Variants in FER observed in about 807,000 individuals in gnomAD.
FER encodes FER tyrosine kinase.
In FER, 63 loss-of-function variants were observed where a neutral mutation model predicts 111.0. The ratio of observed to expected loss-of-function variants is 0.57; its 90% CI spans 0.46 to 0.70. The LOEUF (loss-of-function observed/expected upper bound fraction) is 0.70. Ranked by LOEUF, FER falls within the 30% of genes least tolerant of loss-of-function variation. The pLI is 0.00. For missense variants in FER, 914 were observed against 954.0 expected (o/e 0.96, Z 0.55); for synonymous variants, 327 against 313.9 (o/e 1.04, Z -0.44).
At chr5:108,991,533 AT>A (rs1368256806) in intron 13 of FER, among the ~76,000 whole-genome samples, 1 of 152,106 alleles carries the variant, frequency 6.6e-6, no homozygotes, top group African/African-American at 2.4e-5. Context: ...TTGATATTTT[AT>A]TTTTTTAAGA....
intron 17 of FER, among the ~76,000 whole-genome samples, chr5:109,110,079 C>A (rs528465266): frequency 6.6e-6 from 1 of 152,240 alleles, no homozygotes; most frequent in African/African-American, 2.4e-5. Flanking sequence ...CCATAGTCTG[C>A]TACTTCACTT....
In FER at chr5:109,053,132, A is replaced by G. The variant is rs149685849; in HGVS notation, c.1924+5934A>G. On this transcript the variant is annotated intron_variant, in intron 16 of 19. Coordinates refer to ENST00000281092, the MANE Select transcript of FER (RefSeq NM_005246.4). ...CCGGGAACAGTGGCTCACGCCTGTA[A>G]TCCTATCACTTTGGAGGCCAGGGTG... Among the ~76,000 whole-genome samples, 237 of 152,258 alleles carry G rather than the reference A, an allele frequency of 1.6e-3. 1 individual carries two copies. The highest frequency in any genetic ancestry group is 5.4e-3 in the African/African-American group (223 of 41,544).
At chr5:109,146,829 A>G (rs985008240) in intron 17 of FER, among the ~76,000 whole-genome samples, 3 of 152,218 alleles carry the variant, frequency 2.0e-5, no homozygotes, top group African/African-American at 7.2e-5. Flanking sequence ...GCTATGTTGT[A>G]TGCGTCATTA....
intron 9 of FER, among the ~76,000 whole-genome samples, 182 bp downstream of exon 9, chr5:108,883,700 T>A (rs746495524): frequency 6.6e-6 from 1 of 152,016 alleles, no homozygotes; most frequent in South Asian, 2.1e-4. Flanking sequence ...TTAAAAAATA[T>A]AGTGTCCTTG....
intron 3 of FER, chr5:108,817,935 GT>G (rs1758449026): frequency 6.6e-6 from 1 of 152,068 alleles, no homozygotes; most frequent in South Asian, 2.1e-4. Flanking sequence ...GCATTGTAGG[GT>G]TTATGTTAAT....
At chr5:109,018,286 C>A (rs1767458148) in intron 13 of FER, among the ~76,000 whole-genome samples, 1 of 151,696 alleles carries the variant, frequency 6.6e-6, no homozygotes, top group African/African-American at 2.4e-5. Context: ...TTTGCTTTAT[C>A]CTGCCCACTT....
At chr5:108,918,938 C>A (rs776324525) in intron 10 of FER, among the ~76,000 whole-genome samples, 3 of 152,128 alleles carry the variant, frequency 2.0e-5, no homozygotes, top group African/African-American at 7.2e-5. Context: ...TTGTTTGAGG[C>A]TAGATCTGTA....
intron 16 of FER, among the ~76,000 whole-genome samples, chr5:109,066,003 A>G (rs1400827613): frequency 2.6e-5 from 4 of 152,216 alleles, no homozygotes; most frequent in Admixed American, 1.3e-4. Context: ...AAGATTTTGT[A>G]TAGCAAAGTG....
At chr5:109,036,938 A>G (rs886886257) in intron 13 of FER, among the ~76,000 whole-genome samples, 1 of 152,064 alleles carries the variant, frequency 6.6e-6, no homozygotes, top group East Asian at 1.9e-4. Context: ...ATATGGGACT[A>G]TATGAAGTGT....
chr5:109,108,764 C>T (rs1316356918), intron 17 of FER, among the ~76,000 whole-genome samples: 3 of 152,140 alleles, frequency 2.0e-5, no homozygotes, highest in Non-Finnish European at 4.4e-5. Context: ...GGGAATTCAT[C>T]AGAACATAGA....
chr5:109,044,633 T>C (rs1396968334), intron 14 of FER, 47 bp from the exon 15 acceptor site: 2 of 969,590 alleles, frequency 2.1e-6, no homozygotes, highest in Non-Finnish European at 3.1e-6. Context: ...GGCAAAGATA[T>C]ACATGCTGTC....
At chr5:108,877,229 C>T (rs1400444709) in intron 8 of FER, among the ~76,000 whole-genome samples, 2 of 152,146 alleles carry the variant, frequency 1.3e-5, no homozygotes, top group Non-Finnish European at 2.9e-5. Flanking sequence ...CAAGTTTGGT[C>T]TCTGGTTGAA....
At position 109,132,715 on chromosome 5, in the gene FER, T is replaced by C. The variant is rs561409664; in HGVS notation, c.2048+32196T>C. 7.9e-5 allele frequency among the ~76,000 whole-genome samples: 12 copies of C among 152,164 alleles called. 1 individual carries two copies. The highest frequency in any genetic ancestry group is 6.8e-3 in the Middle Eastern group (2 of 294). ...GGAATACAGATCTCTGGGTAGAGGT[T>C]TGGAGGATGGGTGGTATACTGACTG... is the stretch of plus-strand genomic sequence containing the variant. On this transcript the variant is annotated intron_variant, in intron 17 of 19. Coordinates refer to ENST00000281092, the MANE Select transcript of FER (RefSeq NM_005246.4).
chr5:108,918,903 G>A (rs1189435018), intron 10 of FER, among the ~76,000 whole-genome samples: 1 of 152,176 alleles, frequency 6.6e-6, no homozygotes, highest in Non-Finnish European at 1.5e-5. Flanking sequence ...TCTGAGGAGA[G>A]TTCTCGATTG....
At chr5:108,778,680 T>C (rs1753746003) in intron 2 of FER, among the ~76,000 whole-genome samples, 2 of 152,174 alleles carry the variant, frequency 1.3e-5, no homozygotes, top group Admixed American at 1.3e-4. Flanking sequence ...ATTGGGTTGT[T>C]TTCTTATTAT....
intron 17 of FER, among the ~76,000 whole-genome samples, chr5:109,150,630 A>G (rs2126686693): frequency 6.6e-6 from 1 of 152,308 alleles, no homozygotes; most frequent in East Asian, 1.9e-4. Flanking sequence ...CTCTTATAAG[A>G]GGAAATAAAA....
intron 1 of FER, chr5:108,748,287 C>T (rs1445964869): frequency 6.6e-6 from 1 of 152,290 alleles, no homozygotes; most frequent in African/African-American, 2.4e-5. Context: ...GTGGGGGCCT[C>T]GCGGCCCTAA....
chr5:108,962,844 C>G (rs1439821079), intron 13 of FER, among the ~76,000 whole-genome samples: 2 of 152,106 alleles, frequency 1.3e-5, no homozygotes, highest in Middle Eastern at 6.3e-3. Flanking sequence ...GAAAACAGAA[C>G]TGGTTAAGAG....
chr5:108,835,421 G>A (rs1445239611), intron 4 of FER, among the ~76,000 whole-genome samples: 1 of 152,082 alleles, frequency 6.6e-6, no homozygotes, highest in Non-Finnish European at 1.5e-5. Context: ...CTGACCCCAA[G>A]TGATCTGCTT....
Sources: gnomAD v4.1 joint callset for allele counts (sites outside exome capture counted in the v4.1 genomes callset) on GRCh38, gnomAD v4.1.1 for gene constraint, MANE v1.5 for transcripts, NCBI Gene and HGNC (gene_info 2026-07-23, HGNC 2026-07-21) for gene names.